The following FOCAD variants were observed in gnomAD, a reference collection of about 807,000 sequenced individuals.
The protein encoded by FOCAD is KIAA1797.
Under a neutral mutation model 225.6 loss-of-function variants are expected in FOCAD, and 198 were observed. The observed-to-expected ratio is 0.88, with a 90% CI of 0.78 to 0.99. The LOEUF (loss-of-function observed/expected upper bound fraction) is 0.99, where lower values mean the gene tolerates loss of function less well. Among genes scored for constraint, FOCAD ranks in the 50% least tolerant of loss-of-function variants. FOCAD has a pLI of 0.00. For missense variants in FOCAD, 2,713 were observed against 2,123.6 expected (o/e 1.28, Z -5.46); for synonymous variants, 897 against 755.0 (o/e 1.19, Z -3.08).
intron 18 of FOCAD, 109 bp downstream of exon 18, chr9:20,867,121 A>G: frequency 1.6e-6 from 1 of 644,858 alleles, no homozygotes; most frequent in Non-Finnish European, 2.6e-6. Flanking sequence ...ATAACCCTAG[A>G]TCTGTTGTCC....
intron 20 of FOCAD, among the ~76,000 whole-genome samples, chr9:20,882,799 T>C (rs1830786151): frequency 6.6e-6 from 1 of 152,224 alleles, no homozygotes; most frequent in Non-Finnish European, 1.5e-5. Context: ...TGCGACATTT[T>C]GAAGCTTTAT....
At chr9:20,891,299 A>G (rs1003211717) in intron 21 of FOCAD, among the ~76,000 whole-genome samples, 1 of 152,212 alleles carries the variant, frequency 6.6e-6, no homozygotes, top group Non-Finnish European at 1.5e-5. Flanking sequence ...CTAATTGTTC[A>G]AATGAAAGGA....
chr9:20,779,713 G>T (rs546976864), intron 9 of FOCAD, among the ~76,000 whole-genome samples: 1 of 151,626 alleles, frequency 6.6e-6, no homozygotes, highest in African/African-American at 2.4e-5. Flanking sequence ...TCGCGCCATT[G>T]CACTCCAGCT....
At chr9:20,911,372 A>G (rs547773407) in intron 22 of FOCAD, among the ~76,000 whole-genome samples, 1 of 152,152 alleles carries the variant, frequency 6.6e-6, no homozygotes, top group African/African-American at 2.4e-5. Context: ...AACTCTGTAG[A>G]TCGATAAATA....
At chr9:20,913,605 T>C (rs1295682385) in intron 23 of FOCAD, among the ~76,000 whole-genome samples, 1 of 152,246 alleles carries the variant, frequency 6.6e-6, no homozygotes, top group Non-Finnish European at 1.5e-5. Flanking sequence ...TCTAAAAATC[T>C]GTCCGAAGAT....
chr9:20,974,443 C>T (rs1840053140), intron 35 of FOCAD, among the ~76,000 whole-genome samples: 1 of 102,730 alleles, frequency 9.7e-6, no homozygotes, highest in Non-Finnish European at 2.0e-5. Flanking sequence ...TTTTCTGCTG[C>T]TGTTTTCACT....
chr9:20,829,945 A>C (rs936502292), intron 15 of FOCAD, among the ~76,000 whole-genome samples: 5 of 152,172 alleles, frequency 3.3e-5, no homozygotes, highest in African/African-American at 1.2e-4. Flanking sequence ...ATCTCATTTA[A>C]TTCTTACAAT....
At position 20,975,423 on chromosome 9, in the gene FOCAD, C is replaced by T. The variant is rs78754380; in HGVS notation, c.4133-997C>T. On this transcript the variant is annotated intron_variant, in intron 35 of 43. Coordinates refer to ENST00000338382, the MANE Select transcript of FOCAD (RefSeq NM_001375567.1). ...AGCCCTTAGATGCTCACTTCTAGAA[C>T]GGTCACCATGGCACAGGCTGGGAAG... 9.9e-4 allele frequency among the ~76,000 whole-genome samples: 151 copies of T among 152,262 alleles called. 1 individual carries two copies. In the East Asian group the frequency reaches 0.023, roughly 23 times the overall value.
intron 2 of FOCAD, among the ~76,000 whole-genome samples, chr9:20,672,369 A>G (rs1822089415): frequency 6.6e-6 from 1 of 152,234 alleles, no homozygotes; most frequent in South Asian, 2.1e-4. Context: ...ATTGATAAAT[A>G]TCAAGCCCTA....
At chr9:20,906,569 G>T (rs1230031470) in intron 21 of FOCAD, among the ~76,000 whole-genome samples, 1 of 152,024 alleles carries the variant, frequency 6.6e-6, no homozygotes, top group Non-Finnish European at 1.5e-5. Flanking sequence ...GGGTTTGCAT[G>T]TTGGTATATA....
intron 23 of FOCAD, among the ~76,000 whole-genome samples, chr9:20,913,991 G>A (rs1833661681): frequency 6.6e-6 from 1 of 151,966 alleles, no homozygotes; most frequent in Admixed American, 6.6e-5. Context: ...TCGGCTGGAT[G>A]TGGTGGTTCA....
chr9:20,848,739 C>T (rs1165018193), intron 15 of FOCAD, among the ~76,000 whole-genome samples: 7 of 151,900 alleles, frequency 4.6e-5, no homozygotes, highest in Non-Finnish European at 1.0e-4. Context: ...TTGTTTTTTT[C>T]AGCCAGCAGT....
intron 43 of FOCAD, among the ~76,000 whole-genome samples, chr9:20,994,277 G>A (rs1425850584): frequency 1.3e-5 from 2 of 152,108 alleles, no homozygotes; most frequent in African/African-American, 4.8e-5. Flanking sequence ...AGATCTTTCC[G>A]TAAAACTTAT....
intron 22 of FOCAD, among the ~76,000 whole-genome samples, chr9:20,910,576 G>C (rs183642602): frequency 1.3e-5 from 2 of 152,148 alleles, no homozygotes; most frequent in East Asian, 3.9e-4. Flanking sequence ...ACAGGCTAAA[G>C]ATTAAAAATC....
At chr9:20,803,333 C>T (rs1217296753) in intron 11 of FOCAD, among the ~76,000 whole-genome samples, 2 of 152,046 alleles carry the variant, frequency 1.3e-5, no homozygotes, top group Non-Finnish European at 2.9e-5. Context: ...GTCTCTCTCT[C>T]CCCAGTCCAG....
chr9:20,840,954 T>C (rs1188232173), intron 15 of FOCAD, among the ~76,000 whole-genome samples: 1 of 151,950 alleles, frequency 6.6e-6, no homozygotes, highest in Non-Finnish European at 1.5e-5. Flanking sequence ...TGAATTGTAC[T>C]GAATACTTTT....
intron 28 of FOCAD, among the ~76,000 whole-genome samples, chr9:20,942,111 T>C (rs1476257744): frequency 3.3e-5 from 5 of 152,368 alleles, no homozygotes; most frequent in Admixed American, 6.5e-5. Context: ...TGCCATAGCA[T>C]GTATATACAT....
At position 20,887,878 on chromosome 9, in the gene FOCAD, A is replaced by C. The variant is rs540813603; in HGVS notation, c.2625+2648A>C. Among the ~76,000 whole-genome samples the C allele has an allele frequency of 2.6e-5, 4 of 152,228 alleles. No homozygotes were observed. In the South Asian group the frequency reaches 8.3e-4, roughly 32 times the overall value. On this transcript the variant is annotated intron_variant, in intron 21 of 43. Coordinates refer to ENST00000338382, the MANE Select transcript of FOCAD (RefSeq NM_001375567.1). ...TATAGTCAATTAAAAAAATTTAGCTATTCTTGTAGATGAGTAGTATTAGTT... is the reference window on the plus strand; with the variant it reads ...TATAGTCAATTAAAAAAATTTAGCTCTTCTTGTAGATGAGTAGTATTAGTT...
At chr9:20,822,170 C>A (rs1450887194) in intron 14 of FOCAD, among the ~76,000 whole-genome samples, 1 of 151,896 alleles carries the variant, frequency 6.6e-6, no homozygotes, top group Non-Finnish European at 1.5e-5. Context: ...GAATATCAGA[C>A]CAGATCAGTC....
Sources: allele counts gnomAD v4.1 joint callset (sites outside exome capture counted in the v4.1 genomes callset), GRCh38; gene constraint gnomAD v4.1.1; transcripts MANE v1.5; gene names NCBI Gene and HGNC (gene_info 2026-07-23, HGNC 2026-07-21).